The following SYT14 variants were observed in gnomAD, a reference collection of about 807,000 sequenced individuals.
SYT14 encodes synaptotagmin 14, also known as synaptotagmin-14.
SYT14 carries 32 observed loss-of-function variants against 74.2 expected under a neutral mutation model. The ratio of observed to expected loss-of-function variants is 0.43; its 90% confidence interval spans 0.33 to 0.58. The LOEUF (loss-of-function observed/expected upper bound fraction) is 0.58, where lower values mean the gene tolerates loss of function less well. Ranked by LOEUF, SYT14 falls within the 20% of genes least tolerant of loss-of-function variation. SYT14 has a pLI of 0.05. For missense variants in SYT14, 791 were observed against 981.8 expected (o/e 0.81, Z 2.60); for synonymous variants, 298 against 337.7 (o/e 0.88, Z 1.29).
chr1:210,135,775 T>G (rs891519119), intron 7 of SYT14, among the ~76,000 whole-genome samples: 7 of 152,218 alleles, frequency 4.6e-5, no homozygotes, highest in Non-Finnish European at 1.0e-4. Context: ...TTTTGAGGCT[T>G]GCTTTTAAGT....
At chr1:210,017,868 G>T (rs1220772231) in intron 4 of SYT14, among the ~76,000 whole-genome samples, 2 of 152,074 alleles carry the variant, frequency 1.3e-5, no homozygotes, top group Admixed American at 1.3e-4. Flanking sequence ...AAGGCCAAAA[G>T]TACACTGGCT....
intron 2 of SYT14, among the ~76,000 whole-genome samples, chr1:209,981,574 C>T (rs540953932): frequency 6.6e-6 from 1 of 151,146 alleles, no homozygotes; most frequent in Admixed American, 6.6e-5. Flanking sequence ...CCTTAGCCTC[C>T]CGAGTAGCTG....
chr1:210,010,391 A>G (rs2080065296), intron 2 of SYT14, among the ~76,000 whole-genome samples: 1 of 152,190 alleles, frequency 6.6e-6, no homozygotes, highest in African/African-American at 2.4e-5. Context: ...ATACAGAGGT[A>G]AATAAATATG....
At chr1:210,143,013 A>G (rs1320086854) in intron 7 of SYT14, among the ~76,000 whole-genome samples, 4 of 152,214 alleles carry the variant, frequency 2.6e-5, no homozygotes, top group African/African-American at 9.6e-5. Flanking sequence ...GGCTAGCAAC[A>G]GGTAGAACTA....
chr1:210,049,402 T>TA (rs2080946263), intron 5 of SYT14, among the ~76,000 whole-genome samples: 1 of 151,478 alleles, frequency 6.6e-6, no homozygotes, highest in South Asian at 2.1e-4. Flanking sequence ...TTTTTTTTTT[T>TA]AATCTTTTAT....
At chr1:210,140,329 T>A (rs2102668761) in intron 7 of SYT14, among the ~76,000 whole-genome samples, 1 of 152,298 alleles carries the variant, frequency 6.6e-6, no homozygotes, top group African/African-American at 2.4e-5. Context: ...AAATTTTGCC[T>A]TTGGATAAAT....
At chr1:210,136,966 A>G (rs1324623016) in intron 7 of SYT14, among the ~76,000 whole-genome samples, 1 of 152,216 alleles carries the variant, frequency 6.6e-6, no homozygotes, top group Non-Finnish European at 1.5e-5. Flanking sequence ...AGGCCTCACT[A>G]GATGATTAGC....
chr1:210,110,266 T>TA (rs892340042), intron 7 of SYT14, among the ~76,000 whole-genome samples: 18 of 151,946 alleles, frequency 1.2e-4, no homozygotes, highest in East Asian at 9.7e-4. Flanking sequence ...TAAAGTATAA[T>TA]AAAAAAAATT....
At chr1:210,080,482 T>TA (rs1558175735) in intron 5 of SYT14, among the ~76,000 whole-genome samples, 1 of 152,212 alleles carries the variant, frequency 6.6e-6, no homozygotes, top group Admixed American at 6.5e-5. Flanking sequence ...TTCTTAATGT[T>TA]ACAACAGAAA....
chr1:210,026,638 A>ACACT lies in SYT14; in HGVS notation c.1312+5387_1312+5388insTCAC, dbSNP rs1553267804. On this transcript the variant is annotated intron_variant, in intron 5 of 9. Coordinates refer to ENST00000637265, the Ensembl canonical transcript of SYT14. Reference sequence around the variant, plus strand: ...CACACACACACACACACACACACACACACACTCACCCCTACTTGTCATTCT... The same window carrying ACACT: ...CACACACACACACACACACACACACACACTCACACTCACCCCTACTTGTCATTCT... Among the ~76,000 whole-genome samples, 261 of 151,266 alleles carry ACACT rather than the reference A, an allele frequency of 1.7e-3. 4 individuals are homozygous for ACACT. In the East Asian group the frequency reaches 0.023, roughly 14 times the overall value.
intron 5 of SYT14, among the ~76,000 whole-genome samples, chr1:210,056,889 G>T (rs1435770015): frequency 1.3e-5 from 2 of 149,630 alleles, no homozygotes; most frequent in African/African-American, 4.9e-5. Context: ...TGTCACCCAG[G>T]CTGGAGTGTA....
intron 5 of SYT14, among the ~76,000 whole-genome samples, chr1:210,073,515 T>C (rs2081432937): frequency 6.6e-6 from 1 of 152,072 alleles, no homozygotes; most frequent in South Asian, 2.1e-4. Flanking sequence ...AACTTCCTTA[T>C]TGTTTTATCT....
At chr1:210,029,614 G>A (rs1408306633) in intron 5 of SYT14, among the ~76,000 whole-genome samples, 3 of 152,034 alleles carry the variant, frequency 2.0e-5, no homozygotes, top group Non-Finnish European at 4.4e-5. Flanking sequence ...CATTCCATTG[G>A]TCTATATGTT....
At chr1:210,009,225 T>C (rs2080042262) in intron 2 of SYT14, among the ~76,000 whole-genome samples, 1 of 152,216 alleles carries the variant, frequency 6.6e-6, no homozygotes, top group Non-Finnish European at 1.5e-5. Flanking sequence ...CAAATGTTTT[T>C]ATACTCAGAA....
At chr1:210,037,165 G>C (rs779319041) in intron 5 of SYT14, among the ~76,000 whole-genome samples, 1 of 152,010 alleles carries the variant, frequency 6.6e-6, no homozygotes. Context: ...TTGGGAGATT[G>C]TATGTTTCCA....
Position 210,159,022 on chromosome 1 carries a change from AATATT to A in SYT14, c.2225-397_2225-393del, listed in dbSNP as rs554438944. ...TATTGGGAATAATAAAAGTATTTGA[AATATT>A]AAATTGATACATTTTAAATTTAGCA... On this transcript the variant is annotated intron_variant, in intron 8 of 9. Transcript: ENST00000637265. 1.9e-3 allele frequency among the ~76,000 whole-genome samples: 282 copies of A among 152,220 alleles called. 1 individual carries two copies. Among genetic ancestry groups the A allele is most frequent in the Non-Finnish European group, 1.8e-3 (123 of 67,992 alleles).
At chr1:210,104,476 A>G (rs2082124398) in intron 7 of SYT14, among the ~76,000 whole-genome samples, 1 of 152,224 alleles carries the variant, frequency 6.6e-6, no homozygotes. Flanking sequence ...CTCAGTAGCT[A>G]GAATGTTTTC....
intron 2 of SYT14, among the ~76,000 whole-genome samples, chr1:209,970,670 T>A (rs2079236885): frequency 1.3e-4 from 3 of 22,986 alleles, no homozygotes; most frequent in African/African-American, 7.7e-4. Flanking sequence ...GGCTTTTTTT[T>A]TTTTTTTTTT....
chr1:209,955,667 A>G lies in SYT14; in HGVS notation c.-486+2911A>G, dbSNP rs1233547811. On this transcript the variant is annotated intron_variant, in intron 2 of 9. Transcript: ENST00000637265. ...CCACTTTGCTTGTTGAAATTTTTCT[A>G]TGGATTCTCATTATACCTCAAATAA... is the stretch of plus-strand genomic sequence containing the variant. Among the ~76,000 whole-genome samples, 6 of 152,256 alleles carry G rather than the reference A, an allele frequency of 3.9e-5. No individual in the cohort carries two copies. In the South Asian group the frequency reaches 6.2e-4, roughly 16 times the overall value.
Sources: gnomAD v4.1 joint callset for allele counts (sites outside exome capture counted in the v4.1 genomes callset) on GRCh38, gnomAD v4.1.1 for gene constraint, MANE v1.5 for transcripts, NCBI Gene and HGNC (gene_info 2026-07-23, HGNC 2026-07-21) for gene names.